The following SORCS1 variants were observed in gnomAD, a reference collection of about 807,000 sequenced individuals.
The protein encoded by SORCS1 is VPS10 domain-containing receptor SorCS1.
Under a neutral mutation model 146.1 loss-of-function variants are expected in SORCS1, and 60 were observed. The observed-to-expected ratio is 0.41, with a 90% CI of 0.33 to 0.51. The LOEUF (loss-of-function observed/expected upper bound fraction) is 0.51. Among genes scored for constraint, SORCS1 ranks in the 20% least tolerant of loss-of-function variants. SORCS1 has a pLI of 0.21. For synonymous variants in SORCS1, 637 were observed against 584.0 expected (o/e 1.09, Z -1.31); for missense variants, 1,352 against 1,487.6 (o/e 0.91, Z 1.50).
At chr10:106,910,375 T>C (rs979797278) in intron 2 of SORCS1, among the ~76,000 whole-genome samples, 45 of 151,804 alleles carry the variant, frequency 3.0e-4, no homozygotes, top group Admixed American at 9.2e-4. Flanking sequence ...GGCCACATTT[T>C]ATATAGTTAA....
At chr10:106,601,598 T>C (rs1026583863) in intron 23 of SORCS1, among the ~76,000 whole-genome samples, 2 of 152,136 alleles carry the variant, frequency 1.3e-5, no homozygotes, top group South Asian at 2.1e-4. Context: ...AAGAGGAAGA[T>C]TGAATGCAGC....
At chr10:107,021,962 T>C (rs956069518) in intron 1 of SORCS1, among the ~76,000 whole-genome samples, 2 of 152,210 alleles carry the variant, frequency 1.3e-5, no homozygotes, top group African/African-American at 2.4e-5. Context: ...GTCACAAACA[T>C]GGAAGCAGAA....
chr10:106,578,723 C>T (rs1350743105), intron 25 of SORCS1: 2 of 1,091,434 alleles, frequency 1.8e-6, no homozygotes, highest in African/African-American at 3.3e-5. Context: ...TCCTGCAAAC[C>T]CTGCCCAGCC....
chr10:106,963,110 A>ATTTTTTTTTTGTTTTTTTTT (rs1955324485), intron 1 of SORCS1, among the ~76,000 whole-genome samples: 1 of 76,296 alleles, frequency 1.3e-5, no homozygotes, highest in Non-Finnish European at 2.4e-5. Flanking sequence ...AATGGCCAGA[A>ATTTTTTTTTTGTTTTTTTTT]TTTTTTTTTT....
At chr10:107,021,085 A>G (rs1958108244) in intron 1 of SORCS1, among the ~76,000 whole-genome samples, 1 of 152,176 alleles carries the variant, frequency 6.6e-6, no homozygotes, top group Non-Finnish European at 1.5e-5. Flanking sequence ...GGGTGCACAC[A>G]TGAATACACT....
intron 5 of SORCS1, among the ~76,000 whole-genome samples, chr10:106,755,474 A>G (rs1858564492): frequency 6.6e-6 from 1 of 152,188 alleles, no homozygotes; most frequent in African/African-American, 2.4e-5. Context: ...GTAGTTACTC[A>G]ACAAATATAA....
chr10:106,764,396 A>C (rs1328294859), intron 4 of SORCS1, among the ~76,000 whole-genome samples: 1 of 152,240 alleles, frequency 6.6e-6, no homozygotes, highest in East Asian at 1.9e-4. Context: ...ATGGTATCAA[A>C]GCATTTTACC....
At chr10:107,090,736 A>T (rs975839319) in intron 1 of SORCS1, among the ~76,000 whole-genome samples, 1 of 152,222 alleles carries the variant, frequency 6.6e-6, no homozygotes, top group Non-Finnish European at 1.5e-5. Context: ...GACTATACGC[A>T]TAATTTGAAC....
intron 2 of SORCS1, among the ~76,000 whole-genome samples, chr10:106,843,523 C>T (rs554313795): frequency 2.6e-5 from 4 of 151,638 alleles, no homozygotes; most frequent in Admixed American, 2.6e-4. Flanking sequence ...GCTCCGCCCC[C>T]CAGGTTCACG....
At position 107,042,611 on chromosome 10, in the gene SORCS1, A is replaced by ATTT. The variant is rs35015031; in HGVS notation, c.559-86034_559-86032dup. Among the ~76,000 whole-genome samples the ATTT allele has an allele frequency of 1.2e-3, 169 of 143,752 alleles. 1 individual carries two copies. The highest frequency in any genetic ancestry group is 1.7e-3 in the African/African-American group (66 of 39,110). The allele number at this position is 143,752 out of a possible 152,430, so 94.3% of individuals were successfully genotyped here. A position where few individuals can be genotyped will look rare whatever the true frequency, so the allele number is the denominator to read the frequency against. ...GATTTTACCAGCGGGGAAGTGAACTATTTTTTTTTTTTTTTGAGACAGAGT... is the reference window on the plus strand; with the variant it reads ...GATTTTACCAGCGGGGAAGTGAACTATTTTTTTTTTTTTTTTTTGAGACAGAGT... On this transcript the variant is annotated intron_variant, in intron 1 of 25. Coordinates refer to ENST00000263054, the MANE Select transcript of SORCS1 (RefSeq NM_052918.5).
chr10:106,633,216 G>T (rs760864711), intron 18 of SORCS1, among the ~76,000 whole-genome samples: 103 of 152,054 alleles, frequency 6.8e-4, no homozygotes, highest in Non-Finnish European at 1.3e-3. Context: ...ATTTATGGGG[G>T]TATATGTGAT....
chr10:106,830,972 G>T (rs1444285282), intron 2 of SORCS1, among the ~76,000 whole-genome samples: 3 of 151,778 alleles, frequency 2.0e-5, no homozygotes, highest in Non-Finnish European at 4.4e-5. Flanking sequence ...AGGCAGGCAG[G>T]TCACGAGGTC....
At chr10:107,102,995 A>AT (rs910312490) in intron 1 of SORCS1, among the ~76,000 whole-genome samples, 14 of 152,176 alleles carry the variant, frequency 9.2e-5, no homozygotes, top group South Asian at 6.2e-4. Context: ...TGCAGATAAC[A>AT]TTTTTTGCCT....
At chr10:106,658,267 A>ATTCTGC (rs565632979) in intron 17 of SORCS1, among the ~76,000 whole-genome samples, 7 of 151,840 alleles carry the variant, frequency 4.6e-5, no homozygotes, top group Non-Finnish European at 1.0e-4. Context: ...TGTGCTGTTC[A>ATTCTGC]TTCTGCCCGG....
chr10:106,836,688 T>C (rs1948804940), intron 2 of SORCS1, among the ~76,000 whole-genome samples: 1 of 152,090 alleles, frequency 6.6e-6, no homozygotes, highest in Non-Finnish European at 1.5e-5. Context: ...AGCCTGGCTT[T>C]TCTTTATACC....
At chr10:106,734,520 C>G (rs1856815440) in intron 5 of SORCS1, among the ~76,000 whole-genome samples, 1 of 152,124 alleles carries the variant, frequency 6.6e-6, no homozygotes, top group Admixed American at 6.5e-5. Context: ...TACCTCTGTG[C>G]CAGGCACCTG....
intron 2 of SORCS1, among the ~76,000 whole-genome samples, chr10:106,876,986 T>C (rs1256706410): frequency 2.0e-5 from 3 of 152,190 alleles, no homozygotes; most frequent in African/African-American, 7.2e-5. Flanking sequence ...CTGTTTCCTT[T>C]GTAAAGTGCC....
chr10:107,132,227 C>T (rs1966909090), intron 1 of SORCS1, among the ~76,000 whole-genome samples: 1 of 152,014 alleles, frequency 6.6e-6, no homozygotes, highest in African/African-American at 2.4e-5. Context: ...TTATAAACTC[C>T]AGGCAATCCC....
At chr10:106,710,536 G>T (rs1454045016) in intron 6 of SORCS1, among the ~76,000 whole-genome samples, 1 of 151,980 alleles carries the variant, frequency 6.6e-6, no homozygotes, top group Non-Finnish European at 1.5e-5. Flanking sequence ...ATCTCACCTG[G>T]TGATAAATAC....
Sources: allele counts gnomAD v4.1 joint callset (sites outside exome capture counted in the v4.1 genomes callset), GRCh38; gene constraint gnomAD v4.1.1; transcripts MANE v1.5; gene names NCBI Gene and HGNC (gene_info 2026-07-23, HGNC 2026-07-21).